The following GNPAT variants were observed in gnomAD, a reference collection of about 807,000 sequenced individuals.
GNPAT encodes glyceronephosphate O-acyltransferase, also known as dihydroxyacetone phosphate acyltransferase.
In GNPAT, 30 loss-of-function variants were observed where a neutral mutation model predicts 78.4. That is an observed-to-expected ratio of 0.38 (90% CI 0.29 to 0.52). GNPAT has a LOEUF of 0.52. GNPAT is among the 20% of genes least tolerant of loss of function. GNPAT has a pLI of 0.84. For missense variants in GNPAT, 714 were observed against 812.2 expected, an observed-to-expected ratio of 0.88 and a Z score of 1.47; for synonymous variants, 271 against 281.1, an observed-to-expected ratio of 0.96 and a Z score of 0.36.
At position 231,241,259 on chromosome 1, in the gene GNPAT, A is replaced by C. The variant is rs950145264; in HGVS notation, c.-120A>C. ...GCCCGGGATCCTGTGTAGCGGCTGC[A>C]GAGGGTGCCGCCGCCCTAGGCGAAG... On this transcript the variant is annotated 5_prime_UTR_variant, in exon 1 of 16. Transcript: ENST00000366647. 2 of 1,434,066 alleles carry C rather than the reference A, an allele frequency of 1.4e-6. No homozygotes were observed. Among genetic ancestry groups the C allele is most frequent in the Admixed American group, 3.3e-5 (2 of 59,708 alleles). 88.8% of individuals were successfully genotyped at this position (1,434,066 alleles called of 1,614,324 possible). A position where few individuals can be genotyped will look rare whatever the true frequency, so the allele number is the denominator to read the frequency against.
intron 1 of GNPAT, among the ~76,000 whole-genome samples, chr1:231,246,839 G>GC (rs1684763006): frequency 1.3e-5 from 2 of 152,146 alleles, no homozygotes; most frequent in East Asian, 3.9e-4. Context: ...ATTTTGAAGT[G>GC]CCCCCAGGTT....
intron 1 of GNPAT, among the ~76,000 whole-genome samples, chr1:231,242,465 C>G (rs138669645): frequency 1.3e-5 from 2 of 152,220 alleles, no homozygotes; most frequent in South Asian, 4.1e-4. Context: ...TTCTTTGGAA[C>G]ATGGAGAAAC....
chr1:231,271,884 C>T (rs967454715), intron 10 of GNPAT, among the ~76,000 whole-genome samples: 2 of 152,140 alleles, frequency 1.3e-5, no homozygotes, highest in Non-Finnish European at 1.5e-5. Context: ...AGGAGGATCA[C>T]GATGTCAGGA....
rs865800115 is a variant in GNPAT, at chr1:231,260,413, T to C, written c.262-94T>C. The C allele has an allele frequency of 1.8e-5, 15 of 833,798 alleles. No individual in the cohort carries two copies. The Middle Eastern group carries it at 2.0e-3, about 111-fold the overall frequency. 51.6% of individuals were successfully genotyped at this position (833,798 alleles called of 1,614,324 possible). A position where few individuals can be genotyped will look rare whatever the true frequency, so the allele number is the denominator to read the frequency against. On this transcript the variant is annotated intron_variant, in intron 2 of 15. Coordinates refer to ENST00000366647, the MANE Select transcript of GNPAT (RefSeq NM_014236.4). ...CTATCTTTGAGTTATAGAAGATTAA[T>C]CCATTTGGAACTAGTCATACTGGTT... is the stretch of plus-strand genomic sequence containing the variant.
At position 231,277,524 on chromosome 1, in the gene GNPAT, A is replaced by G; in HGVS notation, c.2025A>G (p.Pro675=). The part of the protein sequence containing the change: ...MLGCKTPIGK[P]ATAKL ...GTTGTAAGACACCAATAGGAAAACCAGCCACTGCAAAACTTTAATAATCAA... is the reference window on the plus strand; with the variant it reads ...GTTGTAAGACACCAATAGGAAAACCGGCCACTGCAAAACTTTAATAATCAA... Residue 675 remains proline, a synonymous_variant, in exon 16 of 16, where the codon CCA becomes CCG. Transcript: ENST00000366647. The G allele has an allele frequency of 6.3e-7, 1 of 1,591,754 alleles. No individual in the cohort carries two copies. Among genetic ancestry groups the G allele is most frequent in the Non-Finnish European group, 8.6e-7 (1 of 1,159,500 alleles).
chr1:231,266,480 G>A (rs1685393400), intron 8 of GNPAT, 73 bp downstream of exon 8: 4 of 1,184,170 alleles, frequency 3.4e-6, no homozygotes, highest in African/African-American at 1.5e-5. Flanking sequence ...CAATGCTGGA[G>A]TTGACCACTT....
intron 1 of GNPAT, 103 bp from the exon 2 acceptor site, chr1:231,250,858 T>A (rs1684876373): frequency 3.9e-6 from 3 of 770,558 alleles, no homozygotes; most frequent in Non-Finnish European, 4.7e-6. Context: ...GTTCACGTCA[T>A]AGAGTAATAT....
rs560996309 is a variant in GNPAT at position 231,275,065 on chromosome 1, T to C, written c.1744-156T>C. ...CAAAGGAGATGCCCTAAAAATTCTT[T>C]GGTTTTTCTGGGCTCATTCCTTGGA... On this transcript the variant is annotated intron_variant, in intron 12 of 15. Coordinates refer to ENST00000366647, the MANE Select transcript of GNPAT (RefSeq NM_014236.4). 9.7e-5 allele frequency: 60 copies of C among 617,658 alleles called. No individual in the cohort carries two copies. In the East Asian group the frequency reaches 1.6e-3, roughly 17 times the overall value. 38.3% of individuals were successfully genotyped at this position (617,658 alleles called of 1,614,324 possible).
chr1:231,271,126 G>A (rs985267459), intron 10 of GNPAT, 126 bp downstream of exon 10: 2 of 1,116,940 alleles, frequency 1.8e-6, no homozygotes, highest in South Asian at 1.2e-5. Flanking sequence ...CTATCACTGA[G>A]AAAAAGTTAG....
chr1:231,277,624 GAA>G lies in GNPAT; in HGVS notation c.*83_*84del. On this transcript the variant is annotated 3_prime_UTR_variant, in exon 16 of 16. Coordinates refer to ENST00000366647, the MANE Select transcript of GNPAT (RefSeq NM_014236.4). ...CATTACAACAAACAGGGAAGTAAAG[GAA>G]GAGACACATCCTCTCATACTCCCTG... 1 of 839,320 alleles carries G rather than the reference GAA, an allele frequency of 1.2e-6. No individual in the cohort carries two copies. The highest frequency in any genetic ancestry group is 2.1e-6 in the Non-Finnish European group (1 of 473,864). 52.0% of individuals were successfully genotyped at this position (839,320 alleles called of 1,614,324 possible).
intron 2 of GNPAT, among the ~76,000 whole-genome samples, chr1:231,254,247 T>G (rs1161475591): frequency 6.6e-6 from 1 of 152,220 alleles, no homozygotes; most frequent in African/African-American, 2.4e-5. Context: ...TAAACTAAGA[T>G]AGATTGGAAT....
At chr1:231,244,068 C>T (rs1454593735) in intron 1 of GNPAT, among the ~76,000 whole-genome samples, 2 of 151,960 alleles carry the variant, frequency 1.3e-5, no homozygotes, top group African/African-American at 4.8e-5. Flanking sequence ...GCCACCACAC[C>T]CGGCTAATTT....
chr1:231,264,767 G>A (rs1188596621), intron 4 of GNPAT, among the ~76,000 whole-genome samples: 1 of 152,216 alleles, frequency 6.6e-6, no homozygotes. Context: ...TGGCCTGGCT[G>A]TCCAGAGCAT....
intron 11 of GNPAT, among the ~76,000 whole-genome samples, chr1:231,273,536 C>CCACCG (rs1218081999): frequency 2.6e-5 from 4 of 152,148 alleles, no homozygotes; most frequent in African/African-American, 9.7e-5. Context: ...CAGGCGTGAG[C>CCACCG]CACCGCGCCC....
At position 231,275,423 on chromosome 1, in the gene GNPAT, A is replaced by G. The variant is rs764129963; in HGVS notation, c.1862A>G (p.Asp621Gly). 2 of 1,609,946 alleles carry G rather than the reference A, an allele frequency of 1.2e-6. No individual in the cohort carries two copies. The highest frequency in any genetic ancestry group is 2.2e-5 in the South Asian group (2 of 90,982). ...ATTTTAGGTACCTCTCAATGTTATG[A>G]TGTATTATCTTCTGATGTGCAGAAA... Reference protein sequence around the residue: ...LLDQGTSQCYDVLSSDVQKNA... With the variant: ...LLDQGTSQCYGVLSSDVQKNA... The change falls in exon 14 of 16, where the codon GAT becomes GGT. Residue 621 changes from aspartate (D) to glycine (G), a missense_variant. Transcript: ENST00000366647.
At position 231,253,717 on chromosome 1, in the gene GNPAT, A is replaced by G. The variant is rs148577817; in HGVS notation, c.261+2574A>G. Among the ~76,000 whole-genome samples the G allele has an allele frequency of 1.7e-3, 262 of 152,348 alleles. 1 individual carries two copies. Among genetic ancestry groups the G allele is most frequent in the African/African-American group, 6.0e-3 (248 of 41,576 alleles). On this transcript the variant is annotated intron_variant, in intron 2 of 15. Coordinates refer to ENST00000366647, the MANE Select transcript of GNPAT (RefSeq NM_014236.4). The stretch of plus-strand genomic sequence containing the variant: ...TTCTTCCTTATAGAAGCACTTGGAG[A>G]ACTTTTGCAAAAGTTACTATTATTA...
intron 14 of GNPAT, 88 bp downstream of exon 14, chr1:231,275,586 G>A (rs545319302): frequency 1.2e-6 from 1 of 806,158 alleles, no homozygotes; most frequent in East Asian, 2.5e-5. Flanking sequence ...CATAGAAATG[G>A]ATGATCTAGG....
At chr1:231,265,245 A>G (rs375186221) in intron 4 of GNPAT, 48 bp from the exon 5 acceptor site, 2 of 1,340,540 alleles carry the variant, frequency 1.5e-6, no homozygotes, top group African/African-American at 1.4e-5. Flanking sequence ...TTAGATCTTT[A>G]TAGAAGATTT....
intron 9 of GNPAT, 100 bp from the exon 10 acceptor site, chr1:231,270,658 T>C: frequency 8.7e-7 from 1 of 1,148,864 alleles, no homozygotes; most frequent in Non-Finnish European, 1.3e-6. Flanking sequence ...CACTTGAAAA[T>C]GAGCATCTGT....
Sources: gnomAD v4.1 joint callset for allele counts (sites outside exome capture counted in the v4.1 genomes callset) on GRCh38, gnomAD v4.1.1 for gene constraint, MANE v1.5 for transcripts, NCBI Gene and HGNC (gene_info 2026-07-23, HGNC 2026-07-21) for gene names.